TIAM1: variants seen among roughly 807,000 people sequenced by gnomAD.
The protein encoded by TIAM1 is rho guanine nucleotide exchange factor TIAM1.
Under a neutral mutation model 163.5 loss-of-function variants are expected in TIAM1, and 65 were observed. The observed-to-expected ratio is 0.40, with a 90% CI of 0.33 to 0.49. TIAM1 has a LOEUF of 0.49. TIAM1 is among the 20% of genes least tolerant of loss of function. The pLI is 0.77. For synonymous variants in TIAM1, 833 were observed against 810.1 expected (o/e 1.03, Z -0.48); for missense variants, 1,789 against 2,044.7 (o/e 0.87, Z 2.41).
At chr21:31,160,340 G>A in intron 16 of TIAM1, 1 of 397,586 alleles carries the variant, frequency 2.5e-6, no homozygotes, top group Non-Finnish European at 4.4e-6. Flanking sequence ...ACGGGGAAAT[G>A]GGAAAGGTGT....
intron 1 of TIAM1, among the ~76,000 whole-genome samples, chr21:31,517,183 G>A (rs1464885352): frequency 6.6e-6 from 1 of 152,034 alleles, no homozygotes; most frequent in East Asian, 1.9e-4. Context: ...AACTCTAAAG[G>A]CAGACCACAC....
chr21:31,400,811 C>A (rs1426295888), intron 2 of TIAM1, among the ~76,000 whole-genome samples: 2 of 152,130 alleles, frequency 1.3e-5, no homozygotes, highest in Non-Finnish European at 2.9e-5. Context: ...GGAATCCCGG[C>A]CGGGCACAGT....
chr21:31,539,327 A>G (rs371500033), intron 1 of TIAM1, among the ~76,000 whole-genome samples: 11 of 148,990 alleles, frequency 7.4e-5, no homozygotes, highest in African/African-American at 2.3e-4. Context: ...GTGCAGTGGC[A>G]CGATCTCGGC....
chr21:31,400,259 T>TG (rs762231313), intron 2 of TIAM1, among the ~76,000 whole-genome samples: 17 of 152,014 alleles, frequency 1.1e-4, no homozygotes, highest in Non-Finnish European at 1.8e-4. Context: ...CCCGAGTAGC[T>TG]GGGACTACAG....
intron 27 of TIAM1, among the ~76,000 whole-genome samples, chr21:31,123,238 T>C (rs1033312483): frequency 5.9e-5 from 9 of 152,184 alleles, no homozygotes; most frequent in Non-Finnish European, 1.0e-4. Flanking sequence ...CTGAAACAGG[T>C]TGAGTTCCCT....
At chr21:31,385,038 G>A (rs1485062518) in intron 2 of TIAM1, among the ~76,000 whole-genome samples, 1 of 152,134 alleles carries the variant, frequency 6.6e-6, no homozygotes, top group African/African-American at 2.4e-5. Context: ...TGGGTCATAG[G>A]AGATGCCACA....
intron 2 of TIAM1, among the ~76,000 whole-genome samples, chr21:31,455,715 A>C (rs1294120710): frequency 6.6e-6 from 1 of 152,248 alleles, no homozygotes; most frequent in African/African-American, 2.4e-5. Context: ...CGATTCTGTG[A>C]CGCTGCTGCC....
chr21:31,484,903 G>A (rs909517815), intron 1 of TIAM1, among the ~76,000 whole-genome samples: 3 of 152,190 alleles, frequency 2.0e-5, no homozygotes, highest in African/African-American at 7.2e-5. Flanking sequence ...AATGGGATTA[G>A]TGTGCTTATA....
At chr21:31,443,359 T>C (rs2044505442) in intron 2 of TIAM1, among the ~76,000 whole-genome samples, 1 of 152,188 alleles carries the variant, frequency 6.6e-6, no homozygotes, top group South Asian at 2.1e-4. Flanking sequence ...ACAATTACAG[T>C]AGAGATGCGT....
chr21:31,327,361 T>C (rs2075524017), intron 2 of TIAM1, among the ~76,000 whole-genome samples: 1 of 152,082 alleles, frequency 6.6e-6, no homozygotes, highest in Non-Finnish European at 1.5e-5. Context: ...ATCTGTGGGC[T>C]GGGCGCAGTG....
intron 9 of TIAM1, among the ~76,000 whole-genome samples, chr21:31,216,733 C>T (rs949634383): frequency 7.2e-5 from 11 of 152,150 alleles, no homozygotes; most frequent in Non-Finnish European, 1.3e-4. Flanking sequence ...GATCCCGTTC[C>T]AGCCCCTGGA....
intron 1 of TIAM1, among the ~76,000 whole-genome samples, chr21:31,497,123 G>A (rs533973754): frequency 2.6e-5 from 4 of 152,332 alleles, no homozygotes; most frequent in African/African-American, 9.6e-5. Flanking sequence ...TCGGTCAGGG[G>A]TTGGGGATCC....
chr21:31,191,298 G>T (rs1247141697), intron 13 of TIAM1, among the ~76,000 whole-genome samples: 3 of 152,092 alleles, frequency 2.0e-5, no homozygotes, highest in African/African-American at 7.2e-5. Context: ...TGGGACTACA[G>T]GTGTGTGTCA....
At chr21:31,491,970 A>G (rs2046482641) in intron 1 of TIAM1, among the ~76,000 whole-genome samples, 1 of 152,200 alleles carries the variant, frequency 6.6e-6, no homozygotes, top group Non-Finnish European at 1.5e-5. Context: ...TTTCTCTACT[A>G]TGTGCCTGCA....
intron 2 of TIAM1, among the ~76,000 whole-genome samples, chr21:31,356,784 C>G (rs1247434413): frequency 1.3e-5 from 2 of 152,260 alleles, no homozygotes; most frequent in Non-Finnish European, 2.9e-5. Flanking sequence ...CTCCAAGAAT[C>G]CCTTCATAGC....
At chr21:31,295,138 C>T (rs1461049193) in intron 2 of TIAM1, among the ~76,000 whole-genome samples, 1 of 152,172 alleles carries the variant, frequency 6.6e-6, no homozygotes, top group Non-Finnish European at 1.5e-5. Context: ...CAAGATTCCA[C>T]ACAGCATGGT....
intron 6 of TIAM1, among the ~76,000 whole-genome samples, chr21:31,238,705 T>C (rs553770366): frequency 1.2e-4 from 18 of 152,320 alleles, no homozygotes; most frequent in African/African-American, 3.6e-4. Flanking sequence ...AGTAGCTTAA[T>C]TGTAGGAATG....
At chr21:31,375,365 T>C (rs2076665676) in intron 2 of TIAM1, among the ~76,000 whole-genome samples, 1 of 152,178 alleles carries the variant, frequency 6.6e-6, no homozygotes, top group South Asian at 2.1e-4. Context: ...TATGTATATA[T>C]CTCCGTGTAG....
At chr21:31,430,279 T>C (rs986670240) in intron 2 of TIAM1, among the ~76,000 whole-genome samples, 4,506 of 145,710 alleles carry the variant, frequency 0.031, 315 homozygotes, top group African/African-American at 0.11. Context: ...CACACATATA[T>C]ATATATATTG....
Sources: allele counts gnomAD v4.1 joint callset (sites outside exome capture counted in the v4.1 genomes callset), GRCh38; gene constraint gnomAD v4.1.1; transcripts MANE v1.5; gene names NCBI Gene and HGNC (gene_info 2026-07-23, HGNC 2026-07-21).